PMS1: variants seen among roughly 807,000 people sequenced by gnomAD.
The protein encoded by PMS1 is PMS1 protein homolog 1.
Under a neutral mutation model 93.1 loss-of-function variants are expected in PMS1, and 79 were observed. That is an observed-to-expected ratio of 0.85 (90% CI 0.71 to 1.02). PMS1 has a LOEUF of 1.02. Ranked by LOEUF, PMS1 falls within the 50% of genes least tolerant of loss-of-function variation. The pLI is 0.00. For synonymous variants in PMS1, 335 were observed against 363.4 expected (o/e 0.92, Z 0.89); for missense variants, 1,064 against 1,085.3 (o/e 0.98, Z 0.28).
intron 7 of PMS1, 108 bp from the exon 8 acceptor site, chr2:189,853,831 C>T (rs2055039110): frequency 2.9e-6 from 2 of 697,304 alleles, no homozygotes; most frequent in African/African-American, 1.8e-5. Context: ...TAATGCTTTT[C>T]CTAATAAGCA....
intron 4 of PMS1, among the ~76,000 whole-genome samples, chr2:189,817,633 G>A (rs1297297033): frequency 1.3e-5 from 2 of 152,084 alleles, no homozygotes; most frequent in Admixed American, 6.6e-5. Flanking sequence ...AGTAACATAA[G>A]GTTATTATAT....
At chr2:189,786,195 C>G (rs1167287892) in intron 1 of PMS1, among the ~76,000 whole-genome samples, 1 of 152,084 alleles carries the variant, frequency 6.6e-6, no homozygotes, top group Non-Finnish European at 1.5e-5. Context: ...GATGGGATGA[C>G]TGGGAGAGGA....
chr2:189,873,111 C>T (rs2057290869), intron 11 of PMS1, among the ~76,000 whole-genome samples: 2 of 152,198 alleles, frequency 1.3e-5, no homozygotes, highest in Middle Eastern at 3.4e-3. Flanking sequence ...ATAATTCAGG[C>T]GTTTAGATAT....
chr2:189,798,756 G>GTTTTTTTTTTT (rs2049587934), intron 3 of PMS1, among the ~76,000 whole-genome samples: 5 of 125,234 alleles, frequency 4.0e-5, no homozygotes, highest in Non-Finnish European at 6.7e-5. Flanking sequence ...ATAAGTATTT[G>GTTTTTTTTTTT]ATTTTTTTTT....
At chr2:189,861,927 A>G (rs945133619) in intron 9 of PMS1, among the ~76,000 whole-genome samples, 1 of 151,870 alleles carries the variant, frequency 6.6e-6, no homozygotes, top group Non-Finnish European at 1.5e-5. Flanking sequence ...ACCTACCTGT[A>G]TATTAGATAT....
chr2:189,857,991 A>G (rs1403566348), intron 9 of PMS1, among the ~76,000 whole-genome samples: 1 of 152,106 alleles, frequency 6.6e-6, no homozygotes, highest in South Asian at 2.1e-4. Context: ...GGAACAGAAT[A>G]TGAGGGAGTA....
rs917419629 is a variant in PMS1, at chr2:189,842,545, G to C, written c.583-1419G>C. Among the ~76,000 whole-genome samples the C allele has an allele frequency of 7.2e-5, 11 of 152,142 alleles. 1 individual carries two copies. Among genetic ancestry groups the C allele is most frequent in the Admixed American group, 1.3e-4 (2 of 15,282 alleles). On this transcript the variant is annotated intron_variant, in intron 5 of 12. Coordinates refer to ENST00000441310, the MANE Select transcript of PMS1 (RefSeq NM_000534.5). ...GGTCTAGTCTCTCTGGACCATGATT[G>C]TCTTAAAATCTACCCCATGTTGACC...
At chr2:189,816,928 C>T (rs2051356372) in intron 4 of PMS1, among the ~76,000 whole-genome samples, 1 of 151,916 alleles carries the variant, frequency 6.6e-6, no homozygotes, top group Non-Finnish European at 1.5e-5. Context: ...AGGTGATGCA[C>T]TCTATTTTTC....
intron 5 of PMS1, among the ~76,000 whole-genome samples, chr2:189,831,418 A>G (rs779556394): frequency 2.9e-4 from 44 of 152,236 alleles, no homozygotes; most frequent in Non-Finnish European, 4.0e-4. Context: ...AGACAAACAC[A>G]TTAGGTGTGA....
chr2:189,785,731 G>GCTTT (rs5742941), intron 1 of PMS1, among the ~76,000 whole-genome samples: 149,366 of 152,196 alleles, frequency 0.98, 73,355 homozygotes, highest in East Asian at 1. Flanking sequence ...GGGAAGAAAG[G>GCTTT]CTTGAAGAGT....
chr2:189,854,333 C>G lies in PMS1; in HGVS notation c.1061C>G (p.Ser354Cys). 1 of 1,597,618 alleles carries G rather than the reference C, an allele frequency of 6.3e-7. No homozygotes were observed. The highest frequency in any genetic ancestry group is 8.5e-7 in the Non-Finnish European group (1 of 1,171,638). The change falls in exon 9 of 13, where the codon TCC becomes TGC. Residue 354 changes from serine to cysteine, a missense_variant. Coordinates refer to ENST00000441310, the MANE Select transcript of PMS1 (RefSeq NM_000534.5). The part of the protein sequence containing the change: ...NSYENNKTDV[S>C]AADIVLSKTA... ...TATGAAAATAATAAAACAGATGTTT[C>G]CGCAGCTGACATCGTTCTTAGTAAA...
rs746011373 is a variant in PMS1, at chr2:189,843,945, A to G, written c.583-19A>G. 37 of 1,585,272 alleles carry G rather than the reference A, an allele frequency of 2.3e-5. No homozygotes were observed. The Admixed American group carries it at 3.5e-4, about 15-fold the overall frequency. Reference sequence around the variant, plus strand: ...ATCTAAATTGTATTAAAAGTTATCTATATCATTTTTGTCCCTAGGCAGTTA... The same window carrying G: ...ATCTAAATTGTATTAAAAGTTATCTGTATCATTTTTGTCCCTAGGCAGTTA... On this transcript the variant is annotated intron_variant, in intron 5 of 12. Coordinates refer to ENST00000441310, the MANE Select transcript of PMS1 (RefSeq NM_000534.5).
Position 189,846,282 on chromosome 2 carries a change from C to T in PMS1, c.699+2202C>T, listed in dbSNP as rs1050074025. Among the ~76,000 whole-genome samples, 6 of 152,044 alleles carry T rather than the reference C, an allele frequency of 3.9e-5. 1 individual carries two copies. The East Asian group carries it at 5.8e-4, about 15-fold the overall frequency. ...ATCCCAGCACTTTGGGAAGCCAAGG[C>T]GGGTGGATCATCTGAGATCAGGAGT... On this transcript the variant is annotated intron_variant, in intron 6 of 12. Transcript: ENST00000441310.
chr2:189,834,484 A>G (rs1171634144), intron 5 of PMS1, among the ~76,000 whole-genome samples: 1 of 152,218 alleles, frequency 6.6e-6, no homozygotes, highest in Non-Finnish European at 1.5e-5. Context: ...TGGAGGATGG[A>G]CTAAATTATG....
Position 189,805,647 on chromosome 2 carries a change from C to A in PMS1, c.316-5C>A. 6.2e-7 allele frequency: 1 copy of A among 1,610,840 alleles called. No homozygotes were observed. Among genetic ancestry groups the A allele is most frequent in the South Asian group, 1.1e-5 (1 of 91,004 alleles). ...TTAGTTTTATTAGATGTTTTTTTCCCCCAGGTTTTAATTACAACAAGAACG... is the reference window on the plus strand; with the variant it reads ...TTAGTTTTATTAGATGTTTTTTTCCACCAGGTTTTAATTACAACAAGAACG... On this transcript the variant is annotated splice_polypyrimidine_tract_variant and splice_region_variant and intron_variant, in intron 3 of 12. Coordinates refer to ENST00000441310, the MANE Select transcript of PMS1 (RefSeq NM_000534.5).
At chr2:189,805,814 A>T (rs945253711) in intron 4 of PMS1, 60 bp downstream of exon 4, 10 of 931,958 alleles carry the variant, frequency 1.1e-5, no homozygotes, top group African/African-American at 5.0e-5. Flanking sequence ...TTGTTGGTTT[A>T]AAAAAAAAAA....
In PMS1 at chr2:189,870,600, A is replaced by C. The variant is rs142981149; in HGVS notation, c.2473+2671A>C. Among the ~76,000 whole-genome samples the C allele has an allele frequency of 1.2e-3, 188 of 152,322 alleles. 2 individuals are homozygous for C. The highest frequency in any genetic ancestry group is 4.3e-3 in the African/African-American group (180 of 41,570). ...TGCTCAATTTCCTTATTCGTTGCCA[A>C]GTACCTTTTACCCATTTCCACTAGT... On this transcript the variant is annotated intron_variant, in intron 11 of 12. Coordinates refer to ENST00000441310, the MANE Select transcript of PMS1 (RefSeq NM_000534.5).
At chr2:189,820,717 T>A (rs1192707542) in intron 5 of PMS1, among the ~76,000 whole-genome samples, 3 of 152,222 alleles carry the variant, frequency 2.0e-5, no homozygotes, top group Non-Finnish European at 4.4e-5. Context: ...TCTCTGTTTA[T>A]ATGGGGGAAC....
Position 189,799,920 on chromosome 2 carries a change from C to T in PMS1, c.315+3969C>T, listed in dbSNP as rs964468972. Among the ~76,000 whole-genome samples the T allele has an allele frequency of 5.3e-5, 8 of 152,358 alleles. 1 individual carries two copies. The highest frequency in any genetic ancestry group is 4.6e-4 in the Admixed American group (7 of 15,304). ...AACCCCCCAATAAACTGACTGCTCA[C>T]TAATCTCCATCTCAGAATGAGCTTC... is the stretch of plus-strand genomic sequence containing the variant. On this transcript the variant is annotated intron_variant, in intron 3 of 12. Coordinates refer to ENST00000441310, the MANE Select transcript of PMS1 (RefSeq NM_000534.5).
Sources: allele counts gnomAD v4.1 joint callset (sites outside exome capture counted in the v4.1 genomes callset), GRCh38; gene constraint gnomAD v4.1.1; transcripts MANE v1.5; gene names NCBI Gene and HGNC (gene_info 2026-07-23, HGNC 2026-07-21).